IL27RA: variants seen among roughly 807,000 people sequenced by gnomAD.
The protein encoded by IL27RA is interleukin-27 receptor subunit alpha.
Under a neutral mutation model 80.8 loss-of-function variants are expected in IL27RA, and 61 were observed. The ratio of observed to expected loss-of-function variants is 0.76; its 90% CI spans 0.61 to 0.93. The LOEUF (loss-of-function observed/expected upper bound fraction) is 0.93, where lower values mean the gene tolerates loss of function less well. Among genes scored for constraint, IL27RA ranks in the 40% least tolerant of loss-of-function variants. The probability of loss-of-function intolerance (pLI) is 0.00; values close to 1 mark genes in which losing one functional copy is unlikely to be tolerated. For missense variants in IL27RA, 735 were observed against 808.1 expected (o/e 0.91, Z 1.10); for synonymous variants, 316 against 332.5 (o/e 0.95, Z 0.54).
chr19:14,049,128 G>A (rs371258224), intron 9 of IL27RA, 28 bp from the exon 10 acceptor site: 589 of 1,612,476 alleles, frequency 3.7e-4, no homozygotes, highest in Non-Finnish European at 4.9e-4. Flanking sequence ...AACCCAGGCC[G>A]ACCTTGACCT....
In IL27RA at chr19:14,042,537, C is replaced by A; in HGVS notation, c.619C>A (p.Arg207Ser). Residue 207 changes from arginine (R) to serine (S), a missense_variant, in exon 5 of 14, where the codon CGC (arginine) becomes AGC (serine). Coordinates refer to ENST00000263379, the MANE Select transcript of IL27RA (RefSeq NM_004843.4). ...ELATGYKVYG[R>S]CRMEKEEDLW... ...AGCCACTGGCTACAAAGTGTATGGC[C>A]GCTGCCGGATGGAGAAAGAAGAGGA... is the stretch of plus-strand genomic sequence containing the variant. 1 of 1,614,162 alleles carries A rather than the reference C, an allele frequency of 6.2e-7. No homozygotes were observed. Among genetic ancestry groups the A allele is most frequent in the Non-Finnish European group, 8.5e-7 (1 of 1,180,026 alleles).
At position 14,051,764 on chromosome 19, in the gene IL27RA, C is replaced by T. The variant is rs575611235; in HGVS notation, c.1622+64C>T. 2.8e-6 allele frequency: 4 copies of T among 1,451,544 alleles called. No individual in the cohort carries two copies. The Admixed American group carries it at 7.1e-5, about 26-fold the overall frequency. The allele number at this position is 1,451,544 out of a possible 1,614,324, so 89.9% of individuals were successfully genotyped here. ...GAAGGCAGCTGGGCATTTTGCTGAG[C>T]TTCCAGGGGGCTTGAAGGGAGGCCT... On this transcript the variant is annotated intron_variant, in intron 12 of 13. Coordinates refer to ENST00000263379, the MANE Select transcript of IL27RA (RefSeq NM_004843.4).
At chr19:14,033,020 C>T (rs1020480893) in intron 2 of IL27RA, among the ~76,000 whole-genome samples, 1 of 151,020 alleles carries the variant, frequency 6.6e-6, no homozygotes, top group Non-Finnish European at 1.5e-5. Flanking sequence ...CCTGTCATCC[C>T]AGCATTTTGG....
chr19:14,034,270 T>G (rs924049119), intron 2 of IL27RA, among the ~76,000 whole-genome samples: 1 of 152,072 alleles, frequency 6.6e-6, no homozygotes, highest in Non-Finnish European at 1.5e-5. Context: ...AATTTCAAAT[T>G]GGGCTAAGTG....
intron 2 of IL27RA, among the ~76,000 whole-genome samples, chr19:14,036,392 A>G (rs1316270924): frequency 6.6e-6 from 1 of 151,962 alleles, no homozygotes; most frequent in Non-Finnish European, 1.5e-5. Context: ...GATTCCACGT[A>G]TCAATGAAAA....
At position 14,047,897 on chromosome 19, in the gene IL27RA, C is replaced by G. The variant is rs534637390; in HGVS notation, c.1142-1084C>G. Reference sequence around the variant, plus strand: ...CAGGATGGTCTCGATCTCTTGACCTCGTGATCTGCCCTCCTCAGCCTCCCA... The same window carrying G: ...CAGGATGGTCTCGATCTCTTGACCTGGTGATCTGCCCTCCTCAGCCTCCCA... On this transcript the variant is annotated intron_variant, in intron 8 of 13. Transcript: ENST00000263379. Among the ~76,000 whole-genome samples the G allele has an allele frequency of 2.7e-5, 4 of 150,636 alleles. No homozygotes were observed. In the South Asian group the frequency reaches 8.4e-4, roughly 32 times the overall value.
At chr19:14,034,344 C>A (rs1320804103) in intron 2 of IL27RA, among the ~76,000 whole-genome samples, 1 of 151,464 alleles carries the variant, frequency 6.6e-6, no homozygotes, top group Non-Finnish European at 1.5e-5. Flanking sequence ...ATTTTTTTTT[C>A]TTTTTAATAT....
chr19:14,045,781 T>C (rs1976055453), intron 6 of IL27RA, among the ~76,000 whole-genome samples: 3 of 151,470 alleles, frequency 2.0e-5, no homozygotes, highest in Admixed American at 1.3e-4. Context: ...TCCTAGCACT[T>C]TGGGAGGCTG....
In IL27RA at chr19:14,049,278, G is replaced by T; in HGVS notation, c.1366G>T (p.Ala456Ser). Residue 456 changes from alanine to serine, a missense_variant, in exon 10 of 14, where the codon GCA becomes TCA. Transcript: ENST00000263379. Reference sequence around the variant, plus strand: ...CCACCTCACCCACTACACCTTGTGTGCACAGAGTGGAACCAGCCCCTCCGT... The same window carrying T: ...CCACCTCACCCACTACACCTTGTGTTCACAGAGTGGAACCAGCCCCTCCGT... ...RGHLTHYTLC[A>S]QSGTSPSVCM... 6.2e-7 allele frequency: 1 copy of T among 1,614,110 alleles called. No individual in the cohort carries two copies. The highest frequency in any genetic ancestry group is 8.5e-7 in the Non-Finnish European group (1 of 1,180,024).
intron 8 of IL27RA, among the ~76,000 whole-genome samples, chr19:14,046,936 G>T (rs1306071343): frequency 6.6e-6 from 1 of 151,860 alleles, no homozygotes; most frequent in East Asian, 1.9e-4. Context: ...GGTGGAGGTT[G>T]CAGTGAGCCG....
intron 8 of IL27RA, among the ~76,000 whole-genome samples, chr19:14,048,556 C>T (rs926106645): frequency 2.0e-5 from 3 of 152,174 alleles, no homozygotes; most frequent in African/African-American, 7.2e-5. Flanking sequence ...CAGCTGCCCA[C>T]ACTTGTTTCC....
chr19:14,051,086 C>CA (rs1268640620), intron 11 of IL27RA, among the ~76,000 whole-genome samples: 5 of 150,912 alleles, frequency 3.3e-5, no homozygotes, highest in South Asian at 4.2e-4. Flanking sequence ...CCCTTCTCTA[C>CA]AAAAAATAAA....
At chr19:14,042,406 C>G (rs1232622101) in intron 4 of IL27RA, 47 bp from the exon 5 acceptor site, 1 of 1,575,688 alleles carries the variant, frequency 6.3e-7, no homozygotes, top group Non-Finnish European at 8.6e-7. Flanking sequence ...TTCAAATACC[C>G]TTGACTCAGG....
In IL27RA at chr19:14,039,622, C is replaced by G; in HGVS notation, c.333C>G (p.Gly111=). Residue 111 remains glycine (G), a synonymous_variant, in exon 3 of 14, where the codon GGC becomes GGG. Coordinates refer to ENST00000263379, the MANE Select transcript of IL27RA (RefSeq NM_004843.4). Reference sequence around the variant, plus strand: ...TCCTTGTCTGGGGCACTAAGGCAGGCCAGCCTCTCTGGCCCCCCGTCTTCG... The same window carrying G: ...TCCTTGTCTGGGGCACTAAGGCAGGGCAGCCTCTCTGGCCCCCCGTCTTCG... ...DKLLVWGTKA[G]QPLWPPVFVN... 2 of 1,614,186 alleles carry G rather than the reference C, an allele frequency of 1.2e-6. No individual in the cohort carries two copies. Among genetic ancestry groups the G allele is most frequent in the Non-Finnish European group, 1.7e-6 (2 of 1,180,028 alleles).
chr19:14,031,946 T>A lies in IL27RA; in HGVS notation c.74T>A (p.Val25Glu), dbSNP rs1260153013. Residue 25 changes from valine (V) to glutamate (E), a missense_variant, in exon 1 of 14, where the codon GTG becomes GAG. Coordinates refer to ENST00000263379, the MANE Select transcript of IL27RA (RefSeq NM_004843.4). ...CTGGCGCTGCTGCCTCTGTTGTGGG[T>A]GCTTTTCCAGCGGACGCGTCCCCAG... ...PKLALLPLLWVLFQRTRPQGS... is the reference protein window; with the variant it reads ...PKLALLPLLWELFQRTRPQGS... The A allele has an allele frequency of 6.2e-7, 1 of 1,611,134 alleles. No individual in the cohort carries two copies.
At chr19:14,043,615 G>A (rs962518089) in intron 6 of IL27RA, among the ~76,000 whole-genome samples, 2 of 151,220 alleles carry the variant, frequency 1.3e-5, no homozygotes, top group African/African-American at 4.9e-5. Flanking sequence ...AGTAGAGATG[G>A]GGGTTTCACC....
In IL27RA at chr19:14,042,730, T is replaced by G; in HGVS notation, c.709T>G (p.Trp237Gly). 1 of 1,614,140 alleles carries G rather than the reference T, an allele frequency of 6.2e-7. No homozygotes were observed. The highest frequency in any genetic ancestry group is 8.5e-7 in the Non-Finnish European group (1 of 1,180,026). The change falls in exon 6 of 14, where the codon TGG becomes GGG. Residue 237 changes from tryptophan to glycine, a missense_variant. Trp to Gly is a radical substitution (Grantham distance 184). Transcript: ENST00000263379. Reference sequence around the variant, plus strand: ...ATCCTTGCCAGCTCCAAAAGATGTGTGGGTATCAGGGAACCTCTGTGGGAC... The same window carrying G: ...ATCCTTGCCAGCTCCAAAAGATGTGGGGGTATCAGGGAACCTCTGTGGGAC... ...QTPPSAPKDV[W>G]VSGNLCGTPG... is the part of the protein sequence containing the mutation.
At position 14,039,610 on chromosome 19, in the gene IL27RA, C is replaced by T; in HGVS notation, c.321C>T (p.Gly107=). The part of the protein sequence containing the change: ...LTMSDKLLVW[G]TKAGQPLWPP... ...TGTCTGACAAACTCCTTGTCTGGGGCACTAAGGCAGGCCAGCCTCTCTGGC... is the reference window on the plus strand; with the variant it reads ...TGTCTGACAAACTCCTTGTCTGGGGTACTAAGGCAGGCCAGCCTCTCTGGC... The change falls in exon 3 of 14, where the codon GGC becomes GGT. Residue 107 remains glycine (G), a synonymous_variant. Transcript: ENST00000263379. The T allele has an allele frequency of 2.5e-6, 4 of 1,614,178 alleles. No individual in the cohort carries two copies. The highest frequency in any genetic ancestry group is 1.7e-6 in the Non-Finnish European group (2 of 1,180,036).
chr19:14,042,398 C>A, intron 4 of IL27RA, 55 bp from the exon 5 acceptor site: 2 of 1,542,920 alleles, frequency 1.3e-6, no homozygotes, highest in South Asian at 1.2e-5. Flanking sequence ...AAGATAAGTT[C>A]AAATACCCTT....
Sources: allele counts gnomAD v4.1 joint callset (sites outside exome capture counted in the v4.1 genomes callset), GRCh38; gene constraint gnomAD v4.1.1; transcripts MANE v1.5; gene names NCBI Gene and HGNC (gene_info 2026-07-23, HGNC 2026-07-21).